ASCC3: variants seen among roughly 807,000 people sequenced by gnomAD.
ASCC3 encodes activating signal cointegrator 1 complex subunit 3.
Under a neutral mutation model 256.3 loss-of-function variants are expected in ASCC3, and 158 were observed. That is an observed-to-expected ratio of 0.62 (90% confidence interval 0.54 to 0.70). The LOEUF (loss-of-function observed/expected upper bound fraction) is 0.70, where lower values mean the gene tolerates loss of function less well. Among genes scored for constraint, ASCC3 ranks in the 30% least tolerant of loss-of-function variants. ASCC3 has a pLI of 0.00. For missense variants in ASCC3, 2,259 were observed against 2,626.0 expected (o/e 0.86, Z 3.05); for synonymous variants, 948 against 883.4 (o/e 1.07, Z -1.30).
At chr6:100,745,592 T>C (rs1288385426) in intron 10 of ASCC3, among the ~76,000 whole-genome samples, 1 of 152,182 alleles carries the variant, frequency 6.6e-6, no homozygotes, top group African/African-American at 2.4e-5. Context: ...CCATCATGCT[T>C]TCTTTAAGCA....
rs1392496957 is a variant in ASCC3, at chr6:100,518,053, C to T, written c.5865G>A (p.Trp1955Ter). Reference protein sequence around the residue: ...NLIQMVIQGRWLKDSSLLTLP... With the variant: ...NLIQMVIQGR ...GTGTAAGAAGAGAAGAGTCCTTTAA[C>T]CACCGACCCTGGATCACCATCTGAA... is the stretch of plus-strand genomic sequence containing the variant. The change falls in exon 38 of 42, where the codon TGG becomes TGA. Residue 1955 changes from tryptophan (W) to a stop codon, truncating the protein, a stop_gained. Transcript: ENST00000369162. LOFTEE classifies it high-confidence loss of function. The T allele has an allele frequency of 5.6e-6, 9 of 1,613,558 alleles. No individual in the cohort carries two copies. The highest frequency in any genetic ancestry group is 6.8e-6 in the Non-Finnish European group (8 of 1,179,722).
intron 25 of ASCC3, among the ~76,000 whole-genome samples, chr6:100,637,567 C>T (rs1409150087): frequency 6.6e-6 from 1 of 152,010 alleles, no homozygotes; most frequent in African/African-American, 2.4e-5. Context: ...GATAGTGATT[C>T]CTCTGATGGA....
At chr6:100,530,575 T>C (rs947406327) in intron 37 of ASCC3, 4 of 786,378 alleles carry the variant, frequency 5.1e-6, no homozygotes, top group Non-Finnish European at 9.4e-6. Flanking sequence ...CCAGCCAGCA[T>C]TAGTGTGTTG....
chr6:100,717,757 GC>G (rs2115024802), intron 12 of ASCC3, among the ~76,000 whole-genome samples: 2 of 152,016 alleles, frequency 1.3e-5, no homozygotes, highest in Non-Finnish European at 2.9e-5. Flanking sequence ...ATTCCACAAT[GC>G]CCTTCAATCA....
chr6:100,611,667 C>T (rs1446144207), intron 30 of ASCC3, among the ~76,000 whole-genome samples: 2 of 151,814 alleles, frequency 1.3e-5, no homozygotes. Flanking sequence ...ATTTTGAATA[C>T]TAAAGAGTAT....
intron 8 of ASCC3, among the ~76,000 whole-genome samples, chr6:100,781,420 G>A (rs1391334269): frequency 6.6e-6 from 1 of 152,036 alleles, no homozygotes; most frequent in Non-Finnish European, 1.5e-5. Flanking sequence ...GTCTTGCTCT[G>A]TTGCCCAGGC....
At chr6:100,557,436 T>C (rs373539572) in intron 36 of ASCC3, among the ~76,000 whole-genome samples, 1 of 152,184 alleles carries the variant, frequency 6.6e-6, no homozygotes, top group East Asian at 1.9e-4. Context: ...GATTTTAGTA[T>C]GGATATGTTT....
chr6:100,795,121 T>C (rs1349632446), intron 8 of ASCC3, among the ~76,000 whole-genome samples: 2 of 151,968 alleles, frequency 1.3e-5, no homozygotes, highest in Non-Finnish European at 2.9e-5. Context: ...GGTTCAGAAA[T>C]GAACTGGTGA....
intron 36 of ASCC3, among the ~76,000 whole-genome samples, chr6:100,574,167 T>G (rs945879126): frequency 6.6e-6 from 1 of 152,166 alleles, no homozygotes; most frequent in Non-Finnish European, 1.5e-5. Flanking sequence ...GTTTCTTTGG[T>G]ATTCCCCACG....
intron 10 of ASCC3, among the ~76,000 whole-genome samples, chr6:100,748,390 T>C (rs143969940): frequency 6.6e-6 from 1 of 152,166 alleles, no homozygotes; most frequent in African/African-American, 2.4e-5. Context: ...TACCAACCGT[T>C]ATCCTCAAAT....
At chr6:100,700,415 C>T (rs116092870) in intron 13 of ASCC3, among the ~76,000 whole-genome samples, 1,845 of 152,104 alleles carry the variant, frequency 0.012, 38 homozygotes, top group African/African-American at 0.042. Flanking sequence ...AGAACCTTTG[C>T]TAGGGTGGGA....
intron 30 of ASCC3, among the ~76,000 whole-genome samples, chr6:100,609,389 C>A (rs1449365480): frequency 6.6e-6 from 1 of 151,850 alleles, no homozygotes; most frequent in Non-Finnish European, 1.5e-5. Flanking sequence ...AGTATATTCA[C>A]AATTTTTATA....
chr6:100,665,899 T>C (rs1776448452), intron 14 of ASCC3, among the ~76,000 whole-genome samples: 1 of 152,116 alleles, frequency 6.6e-6, no homozygotes, highest in South Asian at 2.1e-4. Flanking sequence ...TTGTGTTAGA[T>C]TTGTGTAGCT....
At chr6:100,684,801 T>TC (rs1777479603) in intron 13 of ASCC3, among the ~76,000 whole-genome samples, 1 of 136,052 alleles carries the variant, frequency 7.4e-6, no homozygotes, top group Non-Finnish European at 1.6e-5. Flanking sequence ...TGAATCAAAC[T>TC]CTTTTTTTTT....
intron 13 of ASCC3, among the ~76,000 whole-genome samples, chr6:100,702,106 T>C (rs943128587): frequency 1.3e-5 from 2 of 151,938 alleles, no homozygotes; most frequent in Admixed American, 6.6e-5. Flanking sequence ...GTACAGTCTG[T>C]CAATAAGAGG....
intron 3 of ASCC3, among the ~76,000 whole-genome samples, chr6:100,855,212 C>G (rs144497574): frequency 1.3e-5 from 2 of 151,920 alleles, no homozygotes; most frequent in Non-Finnish European, 2.9e-5. Flanking sequence ...CTCCTGGACT[C>G]AAGCCATCCT....
intron 8 of ASCC3, among the ~76,000 whole-genome samples, chr6:100,795,100 G>C (rs1194547760): frequency 2.0e-5 from 3 of 151,998 alleles, no homozygotes; most frequent in African/African-American, 7.2e-5. Context: ...CACATCACAG[G>C]GAAAGGAATT....
intron 10 of ASCC3, among the ~76,000 whole-genome samples, chr6:100,765,608 T>C (rs1247237026): frequency 6.6e-6 from 1 of 152,200 alleles, no homozygotes; most frequent in African/African-American, 2.4e-5. Context: ...CATGTATTGA[T>C]AGATGTCTCA....
chr6:100,879,990 CAG>C (rs1479918917), intron 1 of ASCC3, among the ~76,000 whole-genome samples: 2 of 152,180 alleles, frequency 1.3e-5, no homozygotes, highest in East Asian at 3.8e-4. Context: ...TTCATGAGCA[CAG>C]AGACTGTCTC....
Sources: gnomAD v4.1 joint callset for allele counts (sites outside exome capture counted in the v4.1 genomes callset) on GRCh38, gnomAD v4.1.1 for gene constraint, MANE v1.5 for transcripts, NCBI Gene and HGNC (gene_info 2026-07-23, HGNC 2026-07-21) for gene names.